The following PTPRG variants were observed in gnomAD, a reference collection of about 807,000 sequenced individuals.
PTPRG encodes protein tyrosine phosphatase receptor type G.
PTPRG carries 102 observed loss-of-function variants against 165.3 expected under a neutral mutation model. The observed-to-expected ratio is 0.62, with a 90% CI of 0.53 to 0.73. PTPRG has a LOEUF of 0.73. Ranked by LOEUF, PTPRG falls within the 30% of genes least tolerant of loss-of-function variation. The probability of loss-of-function intolerance (pLI) is 0.00; values close to 1 mark genes in which losing one functional copy is unlikely to be tolerated. For synonymous variants in PTPRG, 675 were observed against 669.5 expected, an observed-to-expected ratio of 1.01 and a Z score of -0.13; for missense variants, 1,866 against 1,861.4, an observed-to-expected ratio of 1.00 and a Z score of -0.05.
chr3:61,798,508 A>G (rs575662443), intron 2 of PTPRG, among the ~76,000 whole-genome samples: 9 of 152,286 alleles, frequency 5.9e-5, no homozygotes, highest in South Asian at 2.1e-4. Flanking sequence ...ACTTATATCC[A>G]AAACATTTCC....
chr3:62,063,202 C>T (rs1377042344), intron 4 of PTPRG, among the ~76,000 whole-genome samples: 1 of 152,168 alleles, frequency 6.6e-6, no homozygotes, highest in Non-Finnish European at 1.5e-5. Context: ...TTTTCCACTC[C>T]ATCATATGTT....
intron 8 of PTPRG, among the ~76,000 whole-genome samples, chr3:62,178,441 G>A (rs1705519915): frequency 6.6e-6 from 1 of 152,204 alleles, no homozygotes; most frequent in African/African-American, 2.4e-5. Context: ...GAAGTAGGAT[G>A]TCATGCCAGT....
chr3:62,095,900 G>A (rs970598577), intron 5 of PTPRG, among the ~76,000 whole-genome samples: 2 of 152,120 alleles, frequency 1.3e-5, no homozygotes, highest in Non-Finnish European at 2.9e-5. Context: ...GAGTGCTCAA[G>A]GACCAGAGAG....
At chr3:61,592,906 G>A (rs34182292) in intron 1 of PTPRG, among the ~76,000 whole-genome samples, 87,604 of 150,926 alleles carry the variant, frequency 0.58, 28,937 homozygotes, top group South Asian at 0.82. Context: ...AGTATGGCCC[G>A]TGGGGCTGTG....
intron 5 of PTPRG, among the ~76,000 whole-genome samples, chr3:62,123,860 T>C (rs1306706762): frequency 5.3e-5 from 8 of 152,160 alleles, no homozygotes; most frequent in Admixed American, 5.2e-4. Flanking sequence ...GTATTGACAC[T>C]CCACCTTTGA....
At chr3:61,717,143 T>C (rs920217770) in intron 1 of PTPRG, among the ~76,000 whole-genome samples, 1 of 152,238 alleles carries the variant, frequency 6.6e-6, no homozygotes, top group African/African-American at 2.4e-5. Context: ...AAGATTTTTA[T>C]GTTTTTGAAG....
chr3:61,877,621 G>T (rs774876538), intron 2 of PTPRG, among the ~76,000 whole-genome samples: 10 of 152,222 alleles, frequency 6.6e-5, no homozygotes, highest in Non-Finnish European at 1.3e-4. Context: ...AGTAGTAACT[G>T]CTTACTTGCA....
intron 4 of PTPRG, among the ~76,000 whole-genome samples, chr3:62,020,500 T>C (rs1559750617): frequency 6.6e-6 from 1 of 152,220 alleles, no homozygotes. Flanking sequence ...TCACACAATA[T>C]GTGAGTTAAA....
intron 1 of PTPRG, among the ~76,000 whole-genome samples, chr3:61,672,321 G>A (rs1454645507): frequency 2.1e-5 from 3 of 144,974 alleles, no homozygotes; most frequent in East Asian, 2.1e-4. Flanking sequence ...ACGGGGTGGC[G>A]GCCGGGCAGA....
intron 2 of PTPRG, among the ~76,000 whole-genome samples, chr3:61,761,937 G>A (rs1010207508): frequency 5.3e-5 from 8 of 152,152 alleles, no homozygotes; most frequent in Non-Finnish European, 1.0e-4. Flanking sequence ...TTAGGCTGAT[G>A]TTCTTCTTTT....
intron 2 of PTPRG, among the ~76,000 whole-genome samples, chr3:61,921,539 G>A (rs1470138893): frequency 6.6e-5 from 10 of 152,104 alleles, no homozygotes; most frequent in African/African-American, 2.2e-4. Context: ...CATGTGACGA[G>A]TTGCATTCAA....
At chr3:61,651,083 A>G (rs775447054) in intron 1 of PTPRG, among the ~76,000 whole-genome samples, 9 of 150,418 alleles carry the variant, frequency 6.0e-5, no homozygotes, top group Non-Finnish European at 1.2e-4. Context: ...CTACACTTCT[A>G]GAACCCTGTT....
chr3:61,805,135 T>A (rs1183687886), intron 2 of PTPRG, among the ~76,000 whole-genome samples: 1 of 152,106 alleles, frequency 6.6e-6, no homozygotes, highest in Non-Finnish European at 1.5e-5. Flanking sequence ...TTTCTTTTTT[T>A]CCCCTCCCTA....
intron 1 of PTPRG, among the ~76,000 whole-genome samples, chr3:61,712,745 C>T (rs866238729): frequency 1.3e-4 from 20 of 152,134 alleles, no homozygotes; most frequent in African/African-American, 4.3e-4. Flanking sequence ...CTTTATAGCA[C>T]GGTGAGAATG....
intron 1 of PTPRG, among the ~76,000 whole-genome samples, chr3:61,676,548 TCA>T (rs1023549171): frequency 9.2e-5 from 14 of 151,410 alleles, no homozygotes; most frequent in Non-Finnish European, 1.8e-4. Flanking sequence ...TATTTTACTT[TCA>T]CACACACACA....
chr3:61,932,398 C>G (rs188486713), intron 2 of PTPRG, among the ~76,000 whole-genome samples: 1 of 152,184 alleles, frequency 6.6e-6, no homozygotes, highest in Admixed American at 6.5e-5. Context: ...CAGCCTCAGG[C>G]GTCTTAGCCA....
At chr3:61,572,935 G>C (rs910526376) in intron 1 of PTPRG, among the ~76,000 whole-genome samples, 10 of 152,210 alleles carry the variant, frequency 6.6e-5, no homozygotes, top group African/African-American at 1.9e-4. Context: ...GTATTGCCTG[G>C]ATTGGTCATG....
intron 8 of PTPRG, among the ~76,000 whole-genome samples, chr3:62,182,157 T>C (rs943868906): frequency 1.3e-5 from 2 of 152,150 alleles, no homozygotes; most frequent in Non-Finnish European, 2.9e-5. Flanking sequence ...GTCATTTTCT[T>C]GTTGAGTAGG....
At chr3:61,874,454 A>G (rs959111315) in intron 2 of PTPRG, among the ~76,000 whole-genome samples, 8 of 152,190 alleles carry the variant, frequency 5.3e-5, no homozygotes, top group African/African-American at 1.9e-4. Context: ...GTACATTTTA[A>G]AGCAGAGAGG....
Sources: gnomAD v4.1 joint callset for allele counts (sites outside exome capture counted in the v4.1 genomes callset) on GRCh38, gnomAD v4.1.1 for gene constraint, MANE v1.5 for transcripts, NCBI Gene and HGNC (gene_info 2026-07-23, HGNC 2026-07-21) for gene names.